Variants in DRC2 observed in about 807,000 individuals in gnomAD.
DRC2 encodes the protein coiled-coil domain containing 65.
the DRC2 span, among the ~76,000 whole-genome samples, chr12:48,906,488 C>T: frequency 1.3e-5 from 2 of 151,482 alleles, no homozygotes; most frequent in Non-Finnish European, 2.9e-5. Flanking sequence ...TTCTTCATGT[C>T]GGTTAGGCTG....
At chr12:48,921,329 C>A in the DRC2 span, 2 of 1,614,036 alleles carry the variant, frequency 1.2e-6, no homozygotes, top group African/African-American at 1.3e-5. Flanking sequence ...CAGTGAGTGA[C>A]GAAGTGCTGA....
At chr12:48,908,791 G>A in the DRC2 span, among the ~76,000 whole-genome samples, 1 of 151,030 alleles carries the variant, frequency 6.6e-6, no homozygotes, top group Non-Finnish European at 1.5e-5. Flanking sequence ...AGTAGAGATG[G>A]GGTCTCACCA....
At chr12:48,921,083 G>A in the DRC2 span, 11 of 1,610,882 alleles carry the variant, frequency 6.8e-6, no homozygotes, top group African/African-American at 1.5e-4. Flanking sequence ...GCTCACCAAG[G>A]TAAAGCCCGG....
chr12:48,917,138 T>C, the DRC2 span: 6 of 1,610,998 alleles, frequency 3.7e-6, no homozygotes, highest in South Asian at 5.5e-5. Flanking sequence ...AGGCAAGAAG[T>C]GGGAGGAGGT....
At chr12:48,920,908 ACTCT>A in the DRC2 span, 12 of 1,592,804 alleles carry the variant, frequency 7.5e-6, no homozygotes, top group East Asian at 2.7e-4. Context: ...CCTAATATAA[ACTCT>A]CTTCCCGCTT....
At chr12:48,904,575 C>T in the DRC2 span, 1 of 1,435,270 alleles carries the variant, frequency 7.0e-7, no homozygotes, top group Non-Finnish European at 9.4e-7. Context: ...CTCCGGAAAT[C>T]CTGAGACCCA....
chr12:48,905,009 A>G, the DRC2 span: 1 of 1,614,086 alleles, frequency 6.2e-7, no homozygotes, highest in South Asian at 1.1e-5. Flanking sequence ...CACACAGTGG[A>G]GAACTGTCCT....
the DRC2 span, among the ~76,000 whole-genome samples, chr12:48,919,497 T>C: frequency 0.4 from 59,774 of 150,406 alleles, 12,570 homozygotes; most frequent in Admixed American, 0.52. Context: ...TGCGTTGAGC[T>C]CCCCCTTACA....
At chr12:48,906,531 G>A in the DRC2 span, among the ~76,000 whole-genome samples, 4 of 151,650 alleles carry the variant, frequency 2.6e-5, no homozygotes, top group African/African-American at 7.3e-5. Flanking sequence ...TGATCCGCCC[G>A]CCTCAGTCTC....
chr12:48,912,437 C>CAAAAAAAAA, the DRC2 span, among the ~76,000 whole-genome samples: 979 of 45,324 alleles, frequency 0.022, 128 homozygotes, highest in Middle Eastern at 0.036. Context: ...GACGCCGTCT[C>CAAAAAAAAA]AAAAAAAAAA....
chr12:48,920,299 G>A, the DRC2 span, among the ~76,000 whole-genome samples: 1 of 149,986 alleles, frequency 6.7e-6, no homozygotes, highest in Admixed American at 6.7e-5. Flanking sequence ...AAATTAGCCA[G>A]GCATGGTGGC....
the DRC2 span, among the ~76,000 whole-genome samples, chr12:48,909,979 C>CA: frequency 3.3e-5 from 5 of 151,868 alleles, no homozygotes; most frequent in African/African-American, 1.2e-4. Context: ...GGGGCTTCAT[C>CA]ATGTTGGCCA....
At chr12:48,915,943 G>T in the DRC2 span, among the ~76,000 whole-genome samples, 1 of 141,510 alleles carries the variant, frequency 7.1e-6, no homozygotes, top group East Asian at 2.2e-4. Context: ...GGGCAGAGGC[G>T]CTCCTCACAT....
chr12:48,916,880 A>G, the DRC2 span: 1 of 1,280,940 alleles, frequency 7.8e-7, no homozygotes, highest in Non-Finnish European at 1.1e-6. Flanking sequence ...AGTTTGTACC[A>G]TTCACATAGA....
the DRC2 span, chr12:48,918,010 T>A: frequency 2.5e-6 from 1 of 398,050 alleles, no homozygotes; most frequent in African/African-American, 2.0e-5. Context: ...CTGGGCCACA[T>A]TTCCAAATGG....
the DRC2 span, among the ~76,000 whole-genome samples, chr12:48,920,111 TAAAAAAAAAAAAA>T: frequency 6.2e-5 from 2 of 32,058 alleles, no homozygotes; most frequent in South Asian, 2.5e-3. Flanking sequence ...AGACCCTGTC[TAAAAAAAAAAAAA>T]AAAAAAAAAA....
chr12:48,904,667 C>T, the DRC2 span, among the ~76,000 whole-genome samples: 2 of 152,160 alleles, frequency 1.3e-5, no homozygotes, highest in African/African-American at 4.8e-5. Flanking sequence ...TGGTATACGG[C>T]TTGGCAATCT....
At chr12:48,907,106 T>G in the DRC2 span, among the ~76,000 whole-genome samples, 1 of 151,890 alleles carries the variant, frequency 6.6e-6, no homozygotes, top group Non-Finnish European at 1.5e-5. Context: ...TCCCAGCTAC[T>G]CGGGAGGCTG....
the DRC2 span, among the ~76,000 whole-genome samples, chr12:48,916,756 T>A: frequency 6.6e-6 from 1 of 152,196 alleles, no homozygotes; most frequent in African/African-American, 2.4e-5. Context: ...ACTTTTTTTG[T>A]ATCACATGAA....
Sources: allele counts gnomAD v4.1 joint callset (sites outside exome capture counted in the v4.1 genomes callset), GRCh38; gene constraint gnomAD v4.1.1; transcripts MANE v1.5; gene names NCBI Gene and HGNC (gene_info 2026-07-23, HGNC 2026-07-21).